Variants in TC2N observed in about 807,000 individuals in gnomAD.
TC2N encodes the protein tandem C2 domains nuclear protein.
A neutral mutation model predicts 61.9 loss-of-function variants in TC2N; 51 were observed. That is an observed-to-expected ratio of 0.82 (90% CI 0.66 to 1.04). TC2N has a LOEUF of 1.04. TC2N is among the 50% of genes least tolerant of loss of function. The pLI, the probability that TC2N is intolerant of heterozygous loss-of-function variation, is 0.00. For synonymous variants in TC2N, 204 were observed against 192.6 expected, an observed-to-expected ratio of 1.06 and a Z score of -0.49; for missense variants, 556 against 566.7, an observed-to-expected ratio of 0.98 and a Z score of 0.19.
intron 4 of TC2N, among the ~76,000 whole-genome samples, chr14:91,801,752 C>T (rs57035593): frequency 0.29 from 44,024 of 152,066 alleles, 6,774 homozygotes; most frequent in Middle Eastern, 0.38. Flanking sequence ...TCCCTTGTAC[C>T]TGGTATGTAG....
chr14:91,845,043 C>G, intron 1 of TC2N, among the ~76,000 whole-genome samples: 1 of 152,024 alleles, frequency 6.6e-6, no homozygotes, highest in African/African-American at 2.4e-5. Context: ...TTGAGACCAG[C>G]CTGGCCAACA....
intron 11 of TC2N, among the ~76,000 whole-genome samples, chr14:91,783,504 A>G (rs1195864542): frequency 6.6e-6 from 1 of 152,032 alleles, no homozygotes; most frequent in Non-Finnish European, 1.5e-5. Context: ...ATCCTTTCCT[A>G]TTCAACAAAT....
At position 91,799,051 on chromosome 14, in the gene TC2N, A is replaced by G; in HGVS notation, c.575T>C (p.Leu192Ser). 7.6e-6 allele frequency: 12 copies of G among 1,579,696 alleles called. No individual in the cohort carries two copies. Among genetic ancestry groups the G allele is most frequent in the Non-Finnish European group, 1.0e-5 (12 of 1,167,654 alleles). The change falls in exon 6 of 12, where the codon TTG becomes TCG. Residue 192 changes from leucine (L) to serine (S), a missense_variant. Physicochemically the swap from Leu to Ser is moderately radical, Grantham distance 145. Transcript: ENST00000435962. ...AGAAGAACTACTGGGTACACTGGAC[A>G]ATGAATCATGTCTCTATAAATAAAA... Reference protein sequence around the residue: ...SQRFIQRHDSLSSVPSSSSSR... With the variant: ...SQRFIQRHDSSSSVPSSSSSR...
rs1310530533 is a variant in TC2N at position 91,782,642 on chromosome 14, G to A, written c.*458C>T. Reference sequence around the variant, plus strand: ...TTTACCGGGAGAAAATACATAGCAAGAGGTAAACAGTGGAGCCAAGACCTA... The same window carrying A: ...TTTACCGGGAGAAAATACATAGCAAAAGGTAAACAGTGGAGCCAAGACCTA... On this transcript the variant is annotated 3_prime_UTR_variant, in exon 12 of 12. Coordinates refer to ENST00000435962, the MANE Select transcript of TC2N (RefSeq NM_001128596.3). The A allele has an allele frequency of 6.6e-6, 1 of 152,252 alleles. No individual in the cohort carries two copies. Among genetic ancestry groups the A allele is most frequent in the Non-Finnish European group, 1.5e-5 (1 of 68,100 alleles). The allele number at this position is 152,252 out of a possible 1,614,324, so 9.4% of individuals were successfully genotyped here.
At chr14:91,786,898 G>C (rs1885392013) in intron 10 of TC2N, among the ~76,000 whole-genome samples, 1 of 151,944 alleles carries the variant, frequency 6.6e-6, no homozygotes, top group South Asian at 2.1e-4. Context: ...AATTTCTTTG[G>C]GTTTGTTGTT....
chr14:91,830,119 T>C (rs1887687140), intron 1 of TC2N, among the ~76,000 whole-genome samples: 2 of 152,202 alleles, frequency 1.3e-5, no homozygotes, highest in Admixed American at 1.3e-4. Context: ...TGCAGCTGTT[T>C]TGGAAAACAC....
At chr14:91,862,408 A>T (rs1347096200) in intron 1 of TC2N, among the ~76,000 whole-genome samples, 2 of 151,994 alleles carry the variant, frequency 1.3e-5, no homozygotes, top group Admixed American at 1.3e-4. Flanking sequence ...GCAGGCGAGG[A>T]AGAGGAAGAG....
chr14:91,856,664 T>A (rs995583056), intron 1 of TC2N, among the ~76,000 whole-genome samples: 2 of 152,246 alleles, frequency 1.3e-5, no homozygotes, highest in African/African-American at 4.8e-5. Flanking sequence ...CAGAGTGCCA[T>A]ATGGGAGCCC....
At chr14:91,791,709 TATG>T (rs2139829611) in intron 9 of TC2N, among the ~76,000 whole-genome samples, 1 of 152,272 alleles carries the variant, frequency 6.6e-6, no homozygotes, top group South Asian at 2.1e-4. Context: ...GTGTGGAATT[TATG>T]ATTCTTTCTT....
chr14:91,846,280 A>G (rs1888269015), intron 1 of TC2N, among the ~76,000 whole-genome samples: 1 of 152,186 alleles, frequency 6.6e-6, no homozygotes, highest in South Asian at 2.1e-4. Flanking sequence ...GCCTTATCAG[A>G]GTGCTAAAAA....
At chr14:91,822,899 T>G (rs1219581301) in intron 1 of TC2N, among the ~76,000 whole-genome samples, 1 of 151,618 alleles carries the variant, frequency 6.6e-6, no homozygotes, top group Non-Finnish European at 1.5e-5. Flanking sequence ...TATTTTTTAG[T>G]AGAGACGGGG....
intron 8 of TC2N, among the ~76,000 whole-genome samples, chr14:91,795,284 G>T (rs1349415136): frequency 6.6e-6 from 1 of 152,174 alleles, no homozygotes; most frequent in Non-Finnish European, 1.5e-5. Context: ...AAACTTAGCT[G>T]AAAAGCAACA....
At chr14:91,806,946 T>A (rs1366494453) in intron 3 of TC2N, among the ~76,000 whole-genome samples, 1 of 152,190 alleles carries the variant, frequency 6.6e-6, no homozygotes, top group Admixed American at 6.5e-5. Context: ...GGCCCCCCTG[T>A]TGTGTGCAGC....
chr14:91,851,708 A>G (rs1346463609), intron 1 of TC2N, among the ~76,000 whole-genome samples: 1 of 152,204 alleles, frequency 6.6e-6, no homozygotes, highest in Non-Finnish European at 1.5e-5. Flanking sequence ...TATTCAAAGA[A>G]GACATGCAGA....
At chr14:91,838,163 T>G (rs543252888) in intron 1 of TC2N, among the ~76,000 whole-genome samples, 99 of 149,520 alleles carry the variant, frequency 6.6e-4, no homozygotes, top group South Asian at 2.5e-3. Context: ...TTTTTTTTTT[T>G]GGGCAGGCTC....
Position 91,781,480 on chromosome 14 carries a change from G to A in TC2N, c.*1620C>T, listed in dbSNP as rs1312640498. The A allele has an allele frequency of 6.6e-6, 1 of 151,966 alleles. No individual in the cohort carries two copies. The highest frequency in any genetic ancestry group is 1.5e-5 in the Non-Finnish European group (1 of 67,922). 9.4% of individuals were successfully genotyped at this position (151,966 alleles called of 1,614,324 possible). On this transcript the variant is annotated 3_prime_UTR_variant, in exon 12 of 12. Transcript: ENST00000435962. Reference sequence around the variant, plus strand: ...GATACTGATAGCCTGGGAGGCTGTTGAGGGCTTTGTCAGGGGAGAAAGGAA... The same window carrying A: ...GATACTGATAGCCTGGGAGGCTGTTAAGGGCTTTGTCAGGGGAGAAAGGAA...
chr14:91,830,641 G>A (rs1005175909), intron 1 of TC2N, among the ~76,000 whole-genome samples: 2 of 135,292 alleles, frequency 1.5e-5, no homozygotes, highest in Non-Finnish European at 3.3e-5. Context: ...TAGTTGCACA[G>A]CTAAATGAAT....
intron 5 of TC2N, among the ~76,000 whole-genome samples, 190 bp downstream of exon 5, chr14:91,800,091 C>A (rs957649064): frequency 2.6e-5 from 4 of 151,974 alleles, no homozygotes; most frequent in Admixed American, 6.6e-5. Flanking sequence ...AAACTACTGC[C>A]TTTTAGCAAT....
chr14:91,862,817 C>A (rs1436544751), intron 1 of TC2N, among the ~76,000 whole-genome samples: 1 of 152,160 alleles, frequency 6.6e-6, no homozygotes, highest in Non-Finnish European at 1.5e-5. Context: ...AAAATGATGT[C>A]CCGGATTCTT....
Sources: allele counts gnomAD v4.1 joint callset (sites outside exome capture counted in the v4.1 genomes callset), GRCh38; gene constraint gnomAD v4.1.1; transcripts MANE v1.5; gene names NCBI Gene and HGNC (gene_info 2026-07-23, HGNC 2026-07-21).